The following CPS1 variants were observed in gnomAD, a reference collection of about 807,000 sequenced individuals.
CPS1 encodes carbamoyl-phosphate synthase 1, also known as carbamoyl-phosphate synthase [ammonia], mitochondrial.
In CPS1, 109 loss-of-function variants were observed where a neutral mutation model predicts 174.6. The observed-to-expected ratio is 0.62, with a 90% CI of 0.53 to 0.73. The LOEUF is 0.73. Among genes scored for constraint, CPS1 ranks in the 30% least tolerant of loss-of-function variants. CPS1 has a pLI of 0.00. For synonymous variants in CPS1, 637 were observed against 632.0 expected (o/e 1.01, Z -0.12); for missense variants, 1,689 against 1,821.9 (o/e 0.93, Z 1.33).
At chr2:210,623,165 A>T (rs1263116971) in intron 21 of CPS1, among the ~76,000 whole-genome samples, 1 of 152,042 alleles carries the variant, frequency 6.6e-6, no homozygotes, top group East Asian at 1.9e-4. Context: ...TCAATGGTCC[A>T]TTTTGCTCTC....
At chr2:210,523,444 C>T (rs568965644) in intron 1 of CPS1, among the ~76,000 whole-genome samples, 3 of 152,050 alleles carry the variant, frequency 2.0e-5, no homozygotes, top group South Asian at 2.1e-4. Context: ...CCATTACATA[C>T]ATAATGTACA....
chr2:210,598,622 A>G (rs1362869374), intron 13 of CPS1, among the ~76,000 whole-genome samples: 2 of 151,934 alleles, frequency 1.3e-5, no homozygotes, highest in African/African-American at 2.4e-5. Context: ...AAAGAAGGGC[A>G]TTATGTAATA....
chr2:210,521,167 G>A (rs1054354108), intron 1 of CPS1, among the ~76,000 whole-genome samples: 6 of 152,026 alleles, frequency 3.9e-5, no homozygotes, highest in African/African-American at 1.4e-4. Flanking sequence ...TCATCTCATG[G>A]TAACTACAAC....
intron 1 of CPS1, among the ~76,000 whole-genome samples, chr2:210,500,263 A>G (rs879427911): frequency 6.6e-6 from 1 of 152,112 alleles, no homozygotes; most frequent in Non-Finnish European, 1.5e-5. Context: ...ATGTGATATC[A>G]TCCCACCACT....
At position 210,594,999 on chromosome 2, in the gene CPS1, A is replaced by G. The variant is rs551036490; in HGVS notation, c.1263+393A>G. On this transcript the variant is annotated intron_variant, in intron 12 of 37. Coordinates refer to ENST00000233072, the MANE Select transcript of CPS1 (RefSeq NM_001875.5). ...TTTCAACTAGAATAACTGTTATTCA[A>G]CATCATGTACTGAGTATTATTTTAC... Among the ~76,000 whole-genome samples, 18 of 152,040 alleles carry G rather than the reference A, an allele frequency of 1.2e-4. 1 individual carries two copies. The South Asian group carries it at 3.3e-3, about 28-fold the overall frequency.
At chr2:210,675,229 T>G (rs1275145539) in intron 35 of CPS1, among the ~76,000 whole-genome samples, 1 of 152,208 alleles carries the variant, frequency 6.6e-6, no homozygotes, top group East Asian at 1.9e-4. Flanking sequence ...TCCCAACACA[T>G]TTCCATATGT....
intron 16 of CPS1, among the ~76,000 whole-genome samples, chr2:210,603,923 T>C (rs983408607): frequency 1.3e-5 from 2 of 151,812 alleles, no homozygotes; most frequent in African/African-American, 4.8e-5. Context: ...CTTCAAAAAA[T>C]AAAAATAAAA....
intron 28 of CPS1, among the ~76,000 whole-genome samples, chr2:210,651,155 T>A (rs982028679): frequency 1.3e-5 from 2 of 152,144 alleles, no homozygotes; most frequent in African/African-American, 2.4e-5. Flanking sequence ...GGGGCTTTTT[T>A]TTTTAAGGGG....
intron 1 of CPS1, among the ~76,000 whole-genome samples, chr2:210,491,489 A>G (rs1694875857): frequency 6.6e-6 from 1 of 151,188 alleles, no homozygotes; most frequent in African/African-American, 2.4e-5. Flanking sequence ...AATTTTTTGT[A>G]TTTTTAGTAG....
chr2:210,601,989 G>GAT (rs147905072), intron 15 of CPS1, among the ~76,000 whole-genome samples: 297 of 149,850 alleles, frequency 2.0e-3, no homozygotes, highest in African/African-American at 5.9e-3. Context: ...TTTCTTAGAA[G>GAT]ATATATATAT....
intron 5 of CPS1, 40 bp downstream of exon 5, chr2:210,579,810 G>GTA (rs1663454806): frequency 1.5e-6 from 1 of 668,204 alleles, no homozygotes. Context: ...GTTTCTTCGG[G>GTA]TGTGTGTGTG....
chr2:210,602,072 A>G (rs1425220577), intron 15 of CPS1, 130 bp from the exon 16 acceptor site: 1 of 1,079,386 alleles, frequency 9.3e-7, no homozygotes, highest in Non-Finnish European at 1.4e-6. Context: ...AGATGAGGGA[A>G]TAATAGAACA....
At chr2:210,549,961 A>G (rs930054754) in intron 1 of CPS1, among the ~76,000 whole-genome samples, 4 of 152,052 alleles carry the variant, frequency 2.6e-5, no homozygotes, top group African/African-American at 7.2e-5. Flanking sequence ...GTTCTGGAAT[A>G]CATAACTTCA....
intron 6 of CPS1, among the ~76,000 whole-genome samples, chr2:210,584,674 A>C (rs1698047916): frequency 6.6e-6 from 1 of 152,072 alleles, no homozygotes; most frequent in South Asian, 2.1e-4. Context: ...TTAGCAAGTA[A>C]GTCTATTTAA....
At chr2:210,486,296 A>G (rs780951313) in intron 1 of CPS1, among the ~76,000 whole-genome samples, 5 of 152,016 alleles carry the variant, frequency 3.3e-5, no homozygotes, top group Non-Finnish European at 7.4e-5. Flanking sequence ...TAAGTCATTT[A>G]TGAGATATAT....
At chr2:210,675,029 A>G in intron 35 of CPS1, 68 bp downstream of exon 35, 1 of 1,267,334 alleles carries the variant, frequency 7.9e-7, no homozygotes, top group East Asian at 2.3e-5. Flanking sequence ...AATATTGCAG[A>G]ATATTGGAAA....
At chr2:210,613,499 T>A (rs1699199464) in intron 20 of CPS1, among the ~76,000 whole-genome samples, 1 of 151,860 alleles carries the variant, frequency 6.6e-6, no homozygotes, top group Non-Finnish European at 1.5e-5. Flanking sequence ...CCATTTCACC[T>A]TCATCATTTA....
intron 5 of CPS1, 33 bp from the exon 6 acceptor site, chr2:210,582,584 C>T (rs1472345049): frequency 6.6e-7 from 1 of 1,524,978 alleles, no homozygotes; most frequent in South Asian, 1.1e-5. Context: ...ATCGTTGCTT[C>T]CTTTTAACTG....
chr2:210,559,995 A>C (rs1697046001), intron 1 of CPS1, among the ~76,000 whole-genome samples: 1 of 152,134 alleles, frequency 6.6e-6, no homozygotes, highest in Non-Finnish European at 1.5e-5. Context: ...AAGAGTCCTT[A>C]TGTTTTTTAT....
Sources: allele counts gnomAD v4.1 joint callset (sites outside exome capture counted in the v4.1 genomes callset), GRCh38; gene constraint gnomAD v4.1.1; transcripts MANE v1.5; gene names NCBI Gene and HGNC (gene_info 2026-07-23, HGNC 2026-07-21).